The following PLXNA4 variants were observed in gnomAD, a reference collection of about 807,000 sequenced individuals.
The protein encoded by PLXNA4 is plexin-A4.
Under a neutral mutation model 191.8 loss-of-function variants are expected in PLXNA4, and 44 were observed. The observed-to-expected ratio is 0.23, with a 90% CI of 0.18 to 0.29. PLXNA4 has a LOEUF of 0.29. PLXNA4 is among the 10% of genes least tolerant of loss of function. PLXNA4 has a pLI of 1.00. For synonymous variants in PLXNA4, 1,082 were observed against 1,009.5 expected (o/e 1.07, Z -1.36); for missense variants, 1,800 against 2,488.8 (o/e 0.72, Z 5.89).
Position 132,298,073 on chromosome 7 carries a change from G to C in PLXNA4, c.1503+18C>G. 1.9e-6 allele frequency: 3 copies of C among 1,614,138 alleles called. No individual in the cohort carries two copies. In the East Asian group the frequency reaches 6.7e-5, roughly 36 times the overall value. On this transcript the variant is annotated intron_variant, in intron 4 of 31. Transcript: ENST00000321063. The stretch of plus-strand genomic sequence containing the variant: ...TTAACTGCAAGACAAATGTCTAGCG[G>C]AGCCCGAAGAGCCTTACCTGCCTCT...
chr7:132,288,621 C>T (rs949700680), intron 4 of PLXNA4, among the ~76,000 whole-genome samples: 1 of 152,198 alleles, frequency 6.6e-6, no homozygotes, highest in African/African-American at 2.4e-5. Context: ...CAGGAGCAAA[C>T]ATCCACGTGG....
At chr7:132,570,461 T>C (rs1265711956) in intron 1 of PLXNA4, among the ~76,000 whole-genome samples, 1 of 152,178 alleles carries the variant, frequency 6.6e-6, no homozygotes, top group Non-Finnish European at 1.5e-5. Context: ...CAAGGAATGA[T>C]TGGTTCACCT....
intron 3 of PLXNA4, among the ~76,000 whole-genome samples, chr7:132,435,840 C>A (rs574822883): frequency 1.4e-4 from 22 of 152,340 alleles, no homozygotes; most frequent in African/African-American, 5.0e-4. Context: ...AAGCTCTAAG[C>A]TTTGTAGTCC....
chr7:132,324,655 G>T (rs1344464361), intron 3 of PLXNA4, among the ~76,000 whole-genome samples: 1 of 152,160 alleles, frequency 6.6e-6, no homozygotes, highest in Non-Finnish European at 1.5e-5. Flanking sequence ...AGGGAATGAG[G>T]GTCGGCTATT....
intron 3 of PLXNA4, among the ~76,000 whole-genome samples, chr7:132,445,506 T>C (rs277466): frequency 0.032 from 4,933 of 151,886 alleles, 142 homozygotes; most frequent in African/African-American, 0.079. Flanking sequence ...GTACAGTAGA[T>C]AAGAGACTTG....
At chr7:132,188,070 T>C (rs1235063554) in intron 14 of PLXNA4, among the ~76,000 whole-genome samples, 1 of 151,350 alleles carries the variant, frequency 6.6e-6, no homozygotes, top group Non-Finnish European at 1.5e-5. Flanking sequence ...TCTCAACCCC[T>C]CTCTGACCTA....
At chr7:132,207,432 G>T (rs907082063) in intron 10 of PLXNA4, among the ~76,000 whole-genome samples, 1 of 152,052 alleles carries the variant, frequency 6.6e-6, no homozygotes, top group East Asian at 1.9e-4. Flanking sequence ...TGGTGGCCAC[G>T]CACTATTATT....
At chr7:132,145,328 G>A (rs1308282554) in intron 28 of PLXNA4, 40 bp from the exon 29 acceptor site, 12 of 1,610,226 alleles carry the variant, frequency 7.5e-6, no homozygotes, top group East Asian at 2.2e-5. Context: ...CTCGACTCAC[G>A]TAGTTCTGAG....
intron 2 of PLXNA4, among the ~76,000 whole-genome samples, chr7:132,495,923 A>G (rs1379160716): frequency 6.6e-6 from 1 of 152,248 alleles, no homozygotes; most frequent in Non-Finnish European, 1.5e-5. Context: ...GCTTAAGAGC[A>G]TTTATGAAAA....
chr7:132,441,102 T>C (rs1795683016), intron 3 of PLXNA4, among the ~76,000 whole-genome samples: 1 of 152,214 alleles, frequency 6.6e-6, no homozygotes, highest in Non-Finnish European at 1.5e-5. Flanking sequence ...CAGTAGACCC[T>C]GGGTCCCTCC....
At chr7:132,208,569 CT>C (rs1298332512) in intron 10 of PLXNA4, among the ~76,000 whole-genome samples, 2 of 152,292 alleles carry the variant, frequency 1.3e-5, no homozygotes, top group Non-Finnish European at 1.5e-5. Flanking sequence ...AGGTTCTCTT[CT>C]TGGTGAAGGG....
chr7:132,640,351 G>A (rs907845173), intron 2 of PLXNA4, among the ~76,000 whole-genome samples: 18 of 152,186 alleles, frequency 1.2e-4, no homozygotes, highest in Middle Eastern at 3.2e-3. Context: ...CATAGGTTAC[G>A]GAATGCATCG....
intron 3 of PLXNA4, among the ~76,000 whole-genome samples, chr7:132,378,140 T>G (rs550187788): frequency 6.6e-6 from 1 of 152,098 alleles, no homozygotes; most frequent in Non-Finnish European, 1.5e-5. Context: ...GAGAAACACA[T>G]ATGTTATTCT....
At chr7:132,365,309 C>T (rs1412914741) in intron 3 of PLXNA4, among the ~76,000 whole-genome samples, 1 of 151,588 alleles carries the variant, frequency 6.6e-6, no homozygotes, top group African/African-American at 2.4e-5. Context: ...CCTGCTCCCC[C>T]GGTCTTTCCT....
chr7:132,372,489 A>T (rs1196058681), intron 3 of PLXNA4, among the ~76,000 whole-genome samples: 2 of 152,142 alleles, frequency 1.3e-5, no homozygotes, highest in African/African-American at 2.4e-5. Flanking sequence ...ATCTATGCAG[A>T]TCCTTCCTCC....
intron 3 of PLXNA4, among the ~76,000 whole-genome samples, chr7:132,423,734 C>T (rs761502120): frequency 3.3e-5 from 5 of 152,152 alleles, no homozygotes; most frequent in African/African-American, 7.2e-5. Flanking sequence ...TGAAATGATC[C>T]GATAACAACA....
chr7:132,131,341 C>CAA (rs144119571), intron 31 of PLXNA4, among the ~76,000 whole-genome samples: 1,881 of 152,174 alleles, frequency 0.012, 37 homozygotes, highest in African/African-American at 0.043. Context: ...CCTGTCTGAA[C>CAA]ACTCAACGTC....
intron 1 of PLXNA4, among the ~76,000 whole-genome samples, chr7:132,570,503 A>G (rs1158613933): frequency 6.6e-6 from 1 of 152,190 alleles, no homozygotes; most frequent in African/African-American, 2.4e-5. Context: ...ACCAAAAGGG[A>G]AATCCAGCTG....
chr7:132,499,347 A>T (rs1798154800), intron 2 of PLXNA4, among the ~76,000 whole-genome samples: 1 of 152,266 alleles, frequency 6.6e-6, no homozygotes, highest in African/African-American at 2.4e-5. Flanking sequence ...TGCAGATGGC[A>T]TTATCCCTGG....
Sources: gnomAD v4.1 joint callset for allele counts (sites outside exome capture counted in the v4.1 genomes callset) on GRCh38, gnomAD v4.1.1 for gene constraint, MANE v1.5 for transcripts, NCBI Gene and HGNC (gene_info 2026-07-23, HGNC 2026-07-21) for gene names.